KIAA1549: variants seen among roughly 807,000 people sequenced by gnomAD.
KIAA1549 encodes the protein UPF0606 protein KIAA1549.
KIAA1549 carries 70 observed loss-of-function variants against 156.4 expected under a neutral mutation model. The ratio of observed to expected loss-of-function variants is 0.45; its 90% CI spans 0.37 to 0.55. The LOEUF (loss-of-function observed/expected upper bound fraction) is 0.55, where lower values mean the gene tolerates loss of function less well. KIAA1549 is among the 20% of genes least tolerant of loss of function. The pLI is 0.00. For synonymous variants in KIAA1549, 1,103 were observed against 1,066.4 expected (o/e 1.03, Z -0.67); for missense variants, 2,428 against 2,540.9 (o/e 0.96, Z 0.96).
At position 138,871,217 on chromosome 7, in the gene KIAA1549, A is replaced by G. The variant is rs748537234; in HGVS notation, c.4491T>C (p.Pro1497=). The change falls in exon 13 of 20, where the codon CCT becomes CCC. Residue 1497 remains proline, a synonymous_variant. Coordinates refer to ENST00000422774, the MANE Select transcript of KIAA1549 (RefSeq NM_001164665.2). The part of the protein sequence containing the change: ...QLIAMQPIPA[P]PVQRPSPADR... ...CGGCTGGGGAGGGGCGCTGGACGGG[A>G]GGTGCCGGGATCGGCTGCATGGCGA... is the stretch of plus-strand genomic sequence containing the variant. 3.7e-6 allele frequency: 6 copies of G among 1,613,346 alleles called. No homozygotes were observed. In the Admixed American group the frequency reaches 5.0e-5, roughly 13 times the overall value.
intron 9 of KIAA1549, 83 bp from the exon 10 acceptor site, chr7:138,894,609 G>A: frequency 7.4e-7 from 1 of 1,345,026 alleles, no homozygotes; most frequent in South Asian, 1.3e-5. Flanking sequence ...GAGAAACTCA[G>A]AAGTCCCTGA....
chr7:138,875,283 AT>A (rs1811049416), intron 12 of KIAA1549, among the ~76,000 whole-genome samples: 1 of 150,946 alleles, frequency 6.6e-6, no homozygotes, highest in South Asian at 2.1e-4. Context: ...CAAAAAACAC[AT>A]CATGTTGTAC....
intron 1 of KIAA1549, among the ~76,000 whole-genome samples, chr7:138,950,429 GAGA>G (rs57222249): frequency 0.26 from 38,753 of 151,822 alleles, 5,819 homozygotes; most frequent in African/African-American, 0.42. Flanking sequence ...TTCAAGAAAG[GAGA>G]AGGAGTTGAG....
chr7:138,928,578 T>C (rs919362986), intron 1 of KIAA1549, among the ~76,000 whole-genome samples: 1 of 152,244 alleles, frequency 6.6e-6, no homozygotes, highest in Non-Finnish European at 1.5e-5. Flanking sequence ...TGAGCCACCA[T>C]GCCCAGCCTA....
At position 138,919,437 on chromosome 7, in the gene KIAA1549, A is replaced by T. The variant is rs375343699; in HGVS notation, c.189T>A (p.Asp63Glu). 6 of 1,611,118 alleles carry T rather than the reference A, an allele frequency of 3.7e-6. No individual in the cohort carries two copies. The African/African-American group carries it at 8.0e-5, about 22-fold the overall frequency. Residue 63 changes from aspartate (D) to glutamate (E), a missense_variant and splice_region_variant, in exon 2 of 20, where the codon GAT (aspartate) becomes GAA (glutamate). Asp to Glu is a conservative substitution (Grantham distance 45). This residue lies in a region of KIAA1549 where 893 missense variants were observed against 847.9 expected (regional missense o/e 1.05). Coordinates refer to ENST00000422774, the MANE Select transcript of KIAA1549 (RefSeq NM_001164665.2). ...LLARPASCAP[D>E]ELSPEQHNLS... ...GGTTGTGCTGTTCCGGAGAGAGCTC[A>T]TCTATCAAGAAAATCAGAGCTGGGT...
chr7:138,924,050 T>G (rs1020214980), intron 1 of KIAA1549, among the ~76,000 whole-genome samples: 1 of 152,218 alleles, frequency 6.6e-6, no homozygotes. Flanking sequence ...ATTTGTTGTC[T>G]TCCATACAAC....
intron 10 of KIAA1549, among the ~76,000 whole-genome samples, chr7:138,892,527 T>G (rs1009415189): frequency 6.6e-6 from 1 of 152,234 alleles, no homozygotes; most frequent in African/African-American, 2.4e-5. Flanking sequence ...GGTTTCCCCA[T>G]GCCATTCACC....
At chr7:138,902,293 C>T (rs972704502) in intron 8 of KIAA1549, among the ~76,000 whole-genome samples, 9 of 152,090 alleles carry the variant, frequency 5.9e-5, no homozygotes, top group Non-Finnish European at 1.2e-4. Flanking sequence ...GCAACACTTC[C>T]CGGCTCCTGC....
At chr7:138,935,250 C>G (rs1812976395) in intron 1 of KIAA1549, among the ~76,000 whole-genome samples, 1 of 152,116 alleles carries the variant, frequency 6.6e-6, no homozygotes, top group Non-Finnish European at 1.5e-5. Context: ...GGTTTGGGGA[C>G]TCTATTTCTG....
chr7:138,938,413 T>TTCCATTA (rs554226135), intron 1 of KIAA1549, among the ~76,000 whole-genome samples: 205 of 152,108 alleles, frequency 1.3e-3, no homozygotes, highest in African/African-American at 4.5e-3. Flanking sequence ...CTTAATTTAT[T>TTCCATTA]TCCATTCACT....
chr7:138,969,835 T>C (rs1490226292), intron 1 of KIAA1549, among the ~76,000 whole-genome samples: 1 of 152,190 alleles, frequency 6.6e-6, no homozygotes, highest in East Asian at 1.9e-4. Context: ...TCAGGTGATC[T>C]GACCACCTCA....
Position 138,894,444 on chromosome 7 carries a change from C to G in KIAA1549, c.3930G>C (p.Leu1310=). 4 of 1,614,062 alleles carry G rather than the reference C, an allele frequency of 2.5e-6. No homozygotes were observed. The highest frequency in any genetic ancestry group is 3.4e-6 in the Non-Finnish European group (4 of 1,179,902). Residue 1310 remains leucine (L), a synonymous_variant, in exon 10 of 20, where the codon CTG becomes CTC. Transcript: ENST00000422774. ...GGATGACAACAATCACCATCACCACCAGCACTGGGATGACCACGCCAACAA... is the reference window on the plus strand; with the variant it reads ...GGATGACAACAATCACCATCACCACGAGCACTGGGATGACCACGCCAACAA... ...WVIVGVVIPV[L]VVMVIVVILY... is the part of the protein sequence containing the mutation.
At chr7:138,980,838 G>A (rs1266371521) in intron 1 of KIAA1549, among the ~76,000 whole-genome samples, 2 of 152,250 alleles carry the variant, frequency 1.3e-5, no homozygotes, top group Non-Finnish European at 1.5e-5. Flanking sequence ...ATGGACAAGA[G>A]AACAGCTTTG....
At chr7:138,916,614 G>T in intron 2 of KIAA1549, 134 bp downstream of exon 2, 1 of 1,392,204 alleles carries the variant, frequency 7.2e-7, no homozygotes. Flanking sequence ...GTAAGCATAG[G>T]AGTACTACCT....
chr7:138,869,858 T>C, intron 13 of KIAA1549, 97 bp from the exon 14 acceptor site: 1 of 888,792 alleles, frequency 1.1e-6, no homozygotes, highest in Non-Finnish European at 1.7e-6. Flanking sequence ...TTATGTTTAT[T>C]TATTTATTTG....
Position 138,918,360 on chromosome 7 carries a change from C to T in KIAA1549, c.1266G>A (p.Ala422=), listed in dbSNP as rs377103292. Residue 422 remains alanine (A), a synonymous_variant, in exon 2 of 20, where the codon GCG becomes GCA. Coordinates refer to ENST00000422774, the MANE Select transcript of KIAA1549 (RefSeq NM_001164665.2). The surrounding 1 kb of genome is among the most constrained non-coding windows in gnomAD (Gnocchi z 4.2). ...VSSFRPYTWC[A]ACTVPSPQQV... ...GCTGAGGTGAAGGCACAGTGCAGGCCGCACACCAAGTGTATGGTCTGAATG... is the reference window on the plus strand; with the variant it reads ...GCTGAGGTGAAGGCACAGTGCAGGCTGCACACCAAGTGTATGGTCTGAATG... The T allele has an allele frequency of 1.4e-4, 227 of 1,613,780 alleles. 1 individual carries two copies. The highest frequency in any genetic ancestry group is 4.9e-4 in the Middle Eastern group (3 of 6,084).
intron 1 of KIAA1549, among the ~76,000 whole-genome samples, chr7:138,921,370 CTT>C (rs1165777194): frequency 1.3e-5 from 2 of 152,186 alleles, no homozygotes; most frequent in Non-Finnish European, 2.9e-5. Flanking sequence ...ACGTCTCAGA[CTT>C]TGCTTTCTGG....
chr7:138,869,494 C>T lies in KIAA1549; in HGVS notation c.4775+44G>A, dbSNP rs561473788. On this transcript the variant is annotated intron_variant, in intron 14 of 19. Coordinates refer to ENST00000422774, the MANE Select transcript of KIAA1549 (RefSeq NM_001164665.2). ...CCTGCTCCTGTGCCCCCCGCAGCAC[C>T]TCTGCGCGCCCGCCCCACCGCCTAG... 2.0e-6 allele frequency: 3 copies of T among 1,481,988 alleles called. No homozygotes were observed. The South Asian group carries it at 3.6e-5, about 18-fold the overall frequency. The allele number at this position is 1,481,988 out of a possible 1,614,324, so 91.8% of individuals were successfully genotyped here. A position where few individuals can be genotyped will look rare whatever the true frequency, so the allele number is the denominator to read the frequency against.
At position 138,894,546 on chromosome 7, in the gene KIAA1549, G is replaced by A; in HGVS notation, c.3848-20C>T. The A allele has an allele frequency of 6.2e-7, 1 of 1,612,638 alleles. No individual in the cohort carries two copies. Among genetic ancestry groups the A allele is most frequent in the Non-Finnish European group, 8.5e-7 (1 of 1,178,904 alleles). On this transcript the variant is annotated intron_variant, in intron 9 of 19. Coordinates refer to ENST00000422774, the MANE Select transcript of KIAA1549 (RefSeq NM_001164665.2). ...CGACAGCTGCAGACAAGGAAGAAAG[G>A]TCTTTCAATAATTCCTTCTTCACTC... is the stretch of plus-strand genomic sequence containing the variant.
Sources: allele counts gnomAD v4.1 joint callset (sites outside exome capture counted in the v4.1 genomes callset), GRCh38; gene constraint gnomAD v4.1.1; regional missense constraint gnomAD v4.1.1; non-coding constraint Gnocchi (gnomAD v3.1); transcripts MANE v1.5; gene names NCBI Gene and HGNC (gene_info 2026-07-23, HGNC 2026-07-21).